Variants in CR1 observed in about 807,000 individuals in gnomAD.
The protein encoded by CR1 is complement receptor type 1.
CR1 carries 116 observed loss-of-function variants against 187.3 expected under a neutral mutation model. That is an observed-to-expected ratio of 0.62 (90% CI 0.53 to 0.72). CR1 has a LOEUF of 0.72. Among genes scored for constraint, CR1 ranks in the 30% least tolerant of loss-of-function variants. The pLI, the probability that CR1 is intolerant of heterozygous loss-of-function variation, is 0.00. For synonymous variants in CR1, 576 were observed against 747.1 expected (o/e 0.77, Z 3.73); for missense variants, 1,731 against 2,110.7 (o/e 0.82, Z 3.52).
rs1661826840 is a variant in CR1 at position 207,608,864 on chromosome 1, C to T, written c.5897-426C>T. Among the ~76,000 whole-genome samples, 3 of 152,108 alleles carry T rather than the reference C, an allele frequency of 2.0e-5. No individual in the cohort carries two copies. In the South Asian group the frequency reaches 6.2e-4, roughly 32 times the overall value. ...ATTGCCCTTAAATCTGCCATTATTT[C>T]ATTTCTCATGCCTTATCTTTTGTGT... On this transcript the variant is annotated intron_variant, in intron 36 of 46. Transcript: ENST00000367049.
In CR1 at chr1:207,624,929, C is replaced by T. The variant is rs148085844; in HGVS notation, c.7352+1861C>T. On this transcript the variant is annotated intron_variant, in intron 45 of 46. Transcript: ENST00000367049. ...CACACAGGGGAAATGATTATCCCTT[C>T]TTCTTGGAAGTATTCAAGATACTTT... Among the ~76,000 whole-genome samples, 267 of 152,276 alleles carry T rather than the reference C, an allele frequency of 1.8e-3. 1 individual carries two copies. The highest frequency in any genetic ancestry group is 6.1e-3 in the African/African-American group (252 of 41,574).
intron 3 of CR1, among the ~76,000 whole-genome samples, chr1:207,509,416 A>G (rs573098426): frequency 6.6e-6 from 1 of 151,922 alleles, no homozygotes; most frequent in East Asian, 1.9e-4. Flanking sequence ...CCTTACAATA[A>G]GTAGCATGGA....
At chr1:207,620,550 A>G (rs1221409472) in intron 43 of CR1, among the ~76,000 whole-genome samples, 1 of 152,166 alleles carries the variant, frequency 6.6e-6, no homozygotes, top group Non-Finnish European at 1.5e-5. Flanking sequence ...AACTACCCAC[A>G]TCATGGAGCA....
chr1:207,583,480 G>A (rs1661020837), intron 32 of CR1, among the ~76,000 whole-genome samples: 2 of 152,154 alleles, frequency 1.3e-5, no homozygotes, highest in South Asian at 4.1e-4. Flanking sequence ...GGAAATGACA[G>A]CAAGAGGTTT....
intron 35 of CR1, among the ~76,000 whole-genome samples, chr1:207,596,386 G>A (rs1248271482): frequency 2.0e-5 from 3 of 152,130 alleles, no homozygotes; most frequent in Admixed American, 6.5e-5. Flanking sequence ...GGCTGAGGCG[G>A]GCAGAACACC....
Position 207,565,824 on chromosome 1 carries a change from A to C in CR1, c.3867-14A>C, listed in dbSNP as rs750053196. The stretch of plus-strand genomic sequence containing the variant: ...CTGAAACAGCTCACTATTCACTCCT[A>C]TTTTCTTCTTTAGATTTCAATTAAA... On this transcript the variant is annotated splice_polypyrimidine_tract_variant and intron_variant, in intron 23 of 46. Coordinates refer to ENST00000367049, the MANE Select transcript of CR1 (RefSeq NM_000651.6). The C allele has an allele frequency of 6.2e-7, 1 of 1,609,928 alleles. No homozygotes were observed. The highest frequency in any genetic ancestry group is 1.1e-5 in the South Asian group (1 of 91,024).
intron 35 of CR1, among the ~76,000 whole-genome samples, chr1:207,593,000 A>C (rs1438532245): frequency 6.6e-6 from 1 of 150,660 alleles, no homozygotes; most frequent in African/African-American, 2.5e-5. Flanking sequence ...AATCAATATC[A>C]TGAAAATGGC....
At chr1:207,632,614 C>A (rs1195188302) in intron 46 of CR1, among the ~76,000 whole-genome samples, 1 of 151,910 alleles carries the variant, frequency 6.6e-6, no homozygotes, top group Non-Finnish European at 1.5e-5. Flanking sequence ...GGTGAAACCC[C>A]TTCTCTACTA....
intron 45 of CR1, among the ~76,000 whole-genome samples, chr1:207,630,256 G>T (rs1032229668): frequency 2.6e-5 from 4 of 152,118 alleles, no homozygotes; most frequent in African/African-American, 9.7e-5. Flanking sequence ...ATGTGTTAAG[G>T]CATGGACATC....
At chr1:207,502,417 T>C (rs776671055) in intron 1 of CR1, among the ~76,000 whole-genome samples, 4 of 152,056 alleles carry the variant, frequency 2.6e-5, no homozygotes, top group Non-Finnish European at 5.9e-5. Context: ...CAGGGTGGTA[T>C]GGCCATAGGC....
chr1:207,617,592 TATATATATATATATATATATAG>T (rs1293330910), intron 41 of CR1, among the ~76,000 whole-genome samples: 9 of 36,496 alleles, frequency 2.5e-4, no homozygotes, highest in Non-Finnish European at 4.2e-4. Flanking sequence ...TATATATATA[TATATATATATATATATATATAG>T]AGAGAGAGAG....
At chr1:207,632,666 T>C (rs540564069) in intron 46 of CR1, among the ~76,000 whole-genome samples, 16 of 151,666 alleles carry the variant, frequency 1.1e-4, no homozygotes, top group Admixed American at 2.6e-4. Context: ...GGCGTGGTGG[T>C]GGGCGCCTGT....
intron 29 of CR1, among the ~76,000 whole-genome samples, chr1:207,579,939 T>A (rs573197417): frequency 6.6e-6 from 1 of 152,248 alleles, no homozygotes; most frequent in East Asian, 1.9e-4. Flanking sequence ...TTGGGGGAAA[T>A]CTGTAAAACA....
At chr1:207,515,806 C>CTG (rs1451009123) in intron 4 of CR1, among the ~76,000 whole-genome samples, 1 of 152,088 alleles carries the variant, frequency 6.6e-6, no homozygotes, top group Non-Finnish European at 1.5e-5. Flanking sequence ...GTCTTTCAGG[C>CTG]TGTGGCTTTT....
chr1:207,607,332 T>A lies in CR1; in HGVS notation c.5892T>A (p.Cys1964Ter). ...CATGGGATAAGAAGGCACCTATTTG[T>A]GAGAGTAAGTTGAAATACTTTTCTC... Reference protein sequence around the residue: ...NVTWDKKAPICEIISCEPPPT... With the variant: ...NVTWDKKAPI The change falls in exon 36 of 47, where the codon TGT (cysteine) becomes TGA (stop). Residue 1964 changes from cysteine to a stop codon, truncating the protein, a stop_gained. Coordinates refer to ENST00000367049, the MANE Select transcript of CR1 (RefSeq NM_000651.6). LOFTEE classifies it high-confidence loss of function. The A allele has an allele frequency of 6.2e-7, 1 of 1,609,694 alleles. No individual in the cohort carries two copies. Among genetic ancestry groups the A allele is most frequent in the Non-Finnish European group, 8.5e-7 (1 of 1,176,036 alleles).
chr1:207,513,872 T>C (rs987574290), intron 4 of CR1, among the ~76,000 whole-genome samples: 1 of 151,814 alleles, frequency 6.6e-6, no homozygotes, highest in African/African-American at 2.4e-5. Flanking sequence ...ACATTGAACA[T>C]TGGTAGCAAT....
rs1661931287 is a variant in CR1 at position 207,611,606 on chromosome 1, G to A, written c.6296-71G>A. The A allele has an allele frequency of 1.9e-6, 3 of 1,573,620 alleles. No individual in the cohort carries two copies. In the Admixed American group the frequency reaches 5.4e-5, roughly 28 times the overall value. Reference sequence around the variant, plus strand: ...TGCAATGACGATTTTTAAGCCCTCTGGTAAGCATAAGATATAACAAAGGAA... The same window carrying A: ...TGCAATGACGATTTTTAAGCCCTCTAGTAAGCATAAGATATAACAAAGGAA... On this transcript the variant is annotated intron_variant, in intron 37 of 46. Transcript: ENST00000367049.
rs3940150 is a variant in CR1 at position 207,612,056 on chromosome 1, G to C, written c.6575+15G>C. On this transcript the variant is annotated intron_variant, in intron 39 of 46. Coordinates refer to ENST00000367049, the MANE Select transcript of CR1 (RefSeq NM_000651.6). ...TGCGATGAAGGGTGAGTGTGACCCA[G>C]CGTTGAGACCAAGGACTCAGTGTGG... 6 of 1,611,074 alleles carry C rather than the reference G, an allele frequency of 3.7e-6. No homozygotes were observed. The African/African-American group carries it at 6.7e-5, about 18-fold the overall frequency.
At chr1:207,629,207 A>C (rs4844610) in intron 45 of CR1, among the ~76,000 whole-genome samples, 132,549 of 152,118 alleles carry the variant, frequency 0.87, 58,187 homozygotes, top group African/African-American at 0.97. Context: ...ACAGCCTTGT[A>C]CACAGTCAAA....
Sources: allele counts gnomAD v4.1 joint callset (sites outside exome capture counted in the v4.1 genomes callset), GRCh38; gene constraint gnomAD v4.1.1; transcripts MANE v1.5; gene names NCBI Gene and HGNC (gene_info 2026-07-23, HGNC 2026-07-21).